The following RUFY3 variants were observed in gnomAD, a reference collection of about 807,000 sequenced individuals.
The protein encoded by RUFY3 is RUN and FYVE domain containing 3, also known as protein RUFY3.
A neutral mutation model predicts 84.0 loss-of-function variants in RUFY3; 34 were observed. The observed-to-expected ratio is 0.40, with a 90% CI of 0.31 to 0.54. The LOEUF is 0.54. Ranked by LOEUF, RUFY3 falls within the 20% of genes least tolerant of loss-of-function variation. The pLI, the probability that RUFY3 is intolerant of heterozygous loss-of-function variation, is 0.39. For missense variants in RUFY3, 507 were observed against 736.8 expected (o/e 0.69, Z 3.61); for synonymous variants, 242 against 252.9 (o/e 0.96, Z 0.41).
At chr4:70,769,113 G>A (rs1045790604) in intron 5 of RUFY3, among the ~76,000 whole-genome samples, 2 of 152,142 alleles carry the variant, frequency 1.3e-5, no homozygotes, top group African/African-American at 2.4e-5. Context: ...CCTGCACTTT[G>A]GGGCAGGAGT....
chr4:70,794,034 A>ATCCC, intron 13 of RUFY3, 130 bp downstream of exon 13: 2 of 996,924 alleles, frequency 2.0e-6, no homozygotes, highest in Non-Finnish European at 2.9e-6. Context: ...CTGGAATTGG[A>ATCCC]ATTCAGAAAG....
chr4:70,731,335 G>C lies in RUFY3; in HGVS notation c.178+8584G>C, dbSNP rs1421046160. ...TTACAGGCGTGAGCCACCAAGCCTG[G>C]CCAGTGATTGCCATCTTTTAAAGTG... On this transcript the variant is annotated intron_variant, in intron 1 of 17. Transcript: ENST00000381006. Among the ~76,000 whole-genome samples, 7 of 152,248 alleles carry C rather than the reference G, an allele frequency of 4.6e-5. No individual in the cohort carries two copies. The South Asian group carries it at 1.5e-3, about 32-fold the overall frequency.
intron 9 of RUFY3, 60 bp from the exon 10 acceptor site, chr4:70,784,736 G>A: frequency 9.3e-7 from 1 of 1,073,496 alleles, no homozygotes. Context: ...AGCAGTGTTA[G>A]TGTCTAATTC....
At chr4:70,726,124 A>G (rs1350324342) in intron 1 of RUFY3, among the ~76,000 whole-genome samples, 3 of 152,156 alleles carry the variant, frequency 2.0e-5, no homozygotes, top group African/African-American at 7.2e-5. Context: ...AGAGATGACA[A>G]TCTCACATTA....
chr4:70,738,207 G>A (rs559469641), intron 1 of RUFY3, among the ~76,000 whole-genome samples: 31 of 145,900 alleles, frequency 2.1e-4, no homozygotes, highest in Admixed American at 1.2e-3. Context: ...TAGGCTGGTC[G>A]CCGCCTCCTG....
intron 1 of RUFY3, among the ~76,000 whole-genome samples, chr4:70,754,990 G>A (rs1425981999): frequency 6.6e-6 from 1 of 150,854 alleles, no homozygotes; most frequent in African/African-American, 2.4e-5. Flanking sequence ...TGCAACCTCC[G>A]CTTCCCGGGT....
intron 12 of RUFY3, chr4:70,792,642 T>C (rs1012321678): frequency 4.1e-6 from 4 of 985,434 alleles, no homozygotes; most frequent in Non-Finnish European, 4.8e-6. Flanking sequence ...TTCAGCTGCT[T>C]TGGTGGGGAC....
intron 4 of RUFY3, among the ~76,000 whole-genome samples, chr4:70,767,103 G>A (rs561538814): frequency 2.7e-5 from 4 of 150,426 alleles, no homozygotes; most frequent in Admixed American, 2.0e-4. Flanking sequence ...TTTGTTCTTT[G>A]AGACAGAGTT....
chr4:70,788,685 A>T, intron 10 of RUFY3, 121 bp from the exon 11 acceptor site: 1 of 957,972 alleles, frequency 1.0e-6, no homozygotes. Flanking sequence ...ATGGTAGCTT[A>T]AGCTATTTTG....
intron 1 of RUFY3, among the ~76,000 whole-genome samples, chr4:70,738,601 A>G (rs1477475695): frequency 6.6e-6 from 1 of 151,174 alleles, no homozygotes; most frequent in Non-Finnish European, 1.5e-5. Context: ...TGACCTCATG[A>G]TCTGCCCGCC....
At chr4:70,742,520 C>G (rs1051899168) in intron 1 of RUFY3, among the ~76,000 whole-genome samples, 3 of 152,162 alleles carry the variant, frequency 2.0e-5, no homozygotes, top group African/African-American at 4.8e-5. Context: ...ACCTGCGAAC[C>G]CTTCAGTCCT....
At chr4:70,785,768 G>A (rs536332869) in intron 10 of RUFY3, among the ~76,000 whole-genome samples, 5 of 152,002 alleles carry the variant, frequency 3.3e-5, no homozygotes, top group African/African-American at 4.8e-5. Flanking sequence ...CCTGGGAAGC[G>A]GAGGCTGCAG....
At chr4:70,738,609 G>T (rs534944830) in intron 1 of RUFY3, among the ~76,000 whole-genome samples, 2 of 151,592 alleles carry the variant, frequency 1.3e-5, no homozygotes, top group East Asian at 1.9e-4. Context: ...TGATCTGCCC[G>T]CCTCGGCCTC....
intron 1 of RUFY3, among the ~76,000 whole-genome samples, chr4:70,756,602 C>T (rs192048041): frequency 3.5e-4 from 54 of 152,302 alleles, no homozygotes; most frequent in Non-Finnish European, 6.9e-4. Flanking sequence ...CACATCTCTA[C>T]TGCTACCCCT....
At chr4:70,758,999 C>T (rs1287654194) in intron 1 of RUFY3, among the ~76,000 whole-genome samples, 1 of 151,872 alleles carries the variant, frequency 6.6e-6, no homozygotes, top group Non-Finnish European at 1.5e-5. Flanking sequence ...GATCGTGCCA[C>T]TGCACTCCAG....
At chr4:70,772,908 G>A (rs1005184500) in intron 5 of RUFY3, among the ~76,000 whole-genome samples, 7 of 152,122 alleles carry the variant, frequency 4.6e-5, no homozygotes, top group South Asian at 2.1e-4. Flanking sequence ...TGATCCACCC[G>A]CTTCGGCCTC....
intron 1 of RUFY3, among the ~76,000 whole-genome samples, chr4:70,713,708 T>G (rs77206902): frequency 0.026 from 3,990 of 152,306 alleles, 147 homozygotes; most frequent in African/African-American, 0.077. Context: ...CTTCAGAGTC[T>G]GTTTAGGGAC....
chr4:70,779,668 C>T (rs954601065), intron 8 of RUFY3, among the ~76,000 whole-genome samples: 5 of 151,390 alleles, frequency 3.3e-5, no homozygotes, highest in African/African-American at 1.2e-4. Context: ...CTGTAACCCC[C>T]GCCCCCCGGG....
chr4:70,788,774 A>G, intron 10 of RUFY3, 32 bp from the exon 11 acceptor site: 1 of 1,610,828 alleles, frequency 6.2e-7, no homozygotes, highest in Non-Finnish European at 8.5e-7. Context: ...GAAGGAACAG[A>G]GTGTAAGCAA....
Sources: allele counts gnomAD v4.1 joint callset (sites outside exome capture counted in the v4.1 genomes callset), GRCh38; gene constraint gnomAD v4.1.1; transcripts MANE v1.5; gene names NCBI Gene and HGNC (gene_info 2026-07-23, HGNC 2026-07-21).